Variants in BTBD9 observed in about 807,000 individuals in gnomAD.
BTBD9 encodes BTB/POZ domain-containing protein 9.
In BTBD9, 49 loss-of-function variants were observed where a neutral mutation model predicts 64.3. That is an observed-to-expected ratio of 0.76 (90% confidence interval 0.61 to 0.97). The LOEUF (loss-of-function observed/expected upper bound fraction) is 0.97. Ranked by LOEUF, BTBD9 falls within the 50% of genes least tolerant of loss-of-function variation. The pLI is 0.00. For missense variants in BTBD9, 598 were observed against 762.1 expected, an observed-to-expected ratio of 0.78 and a Z score of 2.53; for synonymous variants, 260 against 274.7, an observed-to-expected ratio of 0.95 and a Z score of 0.53.
At chr6:38,210,542 G>GTGTGTGTT (rs1456927160) in intron 9 of BTBD9, among the ~76,000 whole-genome samples, 23 of 34,556 alleles carry the variant, frequency 6.7e-4, no homozygotes, top group African/African-American at 1.3e-3. Context: ...GTGTTTGTGT[G>GTGTGTGTT]TGTGTGTGTG....
At chr6:38,318,425 A>C (rs865809466) in intron 7 of BTBD9, among the ~76,000 whole-genome samples, 1 of 152,132 alleles carries the variant, frequency 6.6e-6, no homozygotes, top group Admixed American at 6.5e-5. Context: ...CAGGAATTCT[A>C]AGGGACTTGG....
chr6:38,506,773 T>C (rs573649691), intron 6 of BTBD9, among the ~76,000 whole-genome samples: 27 of 152,374 alleles, frequency 1.8e-4, no homozygotes, highest in African/African-American at 6.3e-4. Flanking sequence ...ATTGTGACTT[T>C]TTTTAGAATG....
intron 6 of BTBD9, among the ~76,000 whole-genome samples, chr6:38,477,663 T>C (rs550984111): frequency 6.6e-6 from 1 of 152,378 alleles, no homozygotes; most frequent in East Asian, 1.9e-4. Flanking sequence ...CCTAGTGTTA[T>C]CATAACTTAA....
chr6:38,403,752 A>G (rs541241742), intron 6 of BTBD9, among the ~76,000 whole-genome samples: 1 of 152,362 alleles, frequency 6.6e-6, no homozygotes, highest in South Asian at 2.1e-4. Flanking sequence ...ATCTGAAAAC[A>G]TATGTCCATA....
intron 9 of BTBD9, among the ~76,000 whole-genome samples, chr6:38,198,460 A>G (rs1009765092): frequency 2.3e-4 from 35 of 152,322 alleles, no homozygotes; most frequent in African/African-American, 8.4e-4. Context: ...CCCATAAGTG[A>G]CGAGAGAAAG....
At chr6:38,264,237 T>C (rs1234943336) in intron 8 of BTBD9, among the ~76,000 whole-genome samples, 1 of 151,798 alleles carries the variant, frequency 6.6e-6, no homozygotes, top group Non-Finnish European at 1.5e-5. Context: ...GGGCCAACAG[T>C]GACAAGGAGG....
chr6:38,347,096 T>C (rs957164184), intron 6 of BTBD9, among the ~76,000 whole-genome samples: 2 of 152,154 alleles, frequency 1.3e-5, no homozygotes, highest in Non-Finnish European at 2.9e-5. Context: ...TAAAACACTA[T>C]ATGGAATCAG....
At position 38,173,887 on chromosome 6, in the gene BTBD9, C is replaced by T. The variant is rs1287658763; in HGVS notation, c.*1098G>A. 6.6e-6 allele frequency: 1 copy of T among 152,306 alleles called. No homozygotes were observed. Among genetic ancestry groups the T allele is most frequent in the Non-Finnish European group, 1.5e-5 (1 of 68,082 alleles). The allele number at this position is 152,306 out of a possible 1,614,324, so 9.4% of individuals were successfully genotyped here. A position where few individuals can be genotyped will look rare whatever the true frequency, so the allele number is the denominator to read the frequency against. ...TAGGAGACGGAGCCACATCAAGCCA[C>T]CATCGTCAAATGAGGTCCTTTTGAT... On this transcript the variant is annotated 3_prime_UTR_variant, in exon 11 of 11. Coordinates refer to ENST00000481247, the MANE Select transcript of BTBD9 (RefSeq NM_001099272.2).
chr6:38,289,621 T>C (rs777824540), intron 7 of BTBD9, among the ~76,000 whole-genome samples: 8 of 152,216 alleles, frequency 5.3e-5, no homozygotes, highest in Non-Finnish European at 1.0e-4. Context: ...TTTCAGAATA[T>C]ACAGTTGCCC....
At chr6:38,434,602 C>T (rs980670725) in intron 6 of BTBD9, among the ~76,000 whole-genome samples, 1 of 151,924 alleles carries the variant, frequency 6.6e-6, no homozygotes, top group Non-Finnish European at 1.5e-5. Flanking sequence ...CTCCTGAGGG[C>T]TGTGTCACGG....
chr6:38,295,064 T>C (rs1446199268), intron 7 of BTBD9, among the ~76,000 whole-genome samples: 3 of 152,230 alleles, frequency 2.0e-5, no homozygotes, highest in Non-Finnish European at 2.9e-5. Context: ...ATCTTTCTAA[T>C]TGATTTTCAG....
chr6:38,307,242 T>C lies in BTBD9; in HGVS notation c.1265-18781A>G, dbSNP rs574113194. 1.8e-4 allele frequency among the ~76,000 whole-genome samples: 28 copies of C among 152,354 alleles called. No individual in the cohort carries two copies. The East Asian group carries it at 5.2e-3, about 28-fold the overall frequency. ...TCCACAGCTGTTCTGTCTTAACAGC[T>C]GTAAAAGAACAATAGCTAATTAGAG... On this transcript the variant is annotated intron_variant, in intron 7 of 10. Coordinates refer to ENST00000481247, the MANE Select transcript of BTBD9 (RefSeq NM_001099272.2).
chr6:38,523,917 T>C (rs761430916), intron 6 of BTBD9, among the ~76,000 whole-genome samples: 3 of 152,202 alleles, frequency 2.0e-5, no homozygotes, highest in Non-Finnish European at 2.9e-5. Flanking sequence ...AAGTCTGTGC[T>C]CTTAAACCAC....
At chr6:38,442,661 CTTTTTTT>C (rs11313452) in intron 6 of BTBD9, among the ~76,000 whole-genome samples, 4 of 57,538 alleles carry the variant, frequency 7.0e-5, no homozygotes, top group Non-Finnish European at 9.1e-5. Flanking sequence ...CATTTGTACT[CTTTTTTT>C]TTTTTTTTTT....
At chr6:38,235,959 T>A (rs1018434349) in intron 9 of BTBD9, among the ~76,000 whole-genome samples, 2 of 152,120 alleles carry the variant, frequency 1.3e-5, no homozygotes, top group African/African-American at 2.4e-5. Flanking sequence ...GAAAGACCCC[T>A]GGCCCGAGGT....
Position 38,458,273 on chromosome 6 carries a change from A to G in BTBD9, c.1155-113180T>C, listed in dbSNP as rs1337874071. 4.7e-4 allele frequency among the ~76,000 whole-genome samples: 72 copies of G among 152,198 alleles called. 1 individual carries two copies. Among genetic ancestry groups the G allele is most frequent in the Non-Finnish European group, 5.9e-5 (4 of 68,032 alleles). ...TCCTACCTGCAAAATGAGTTCTTTC[A>G]TTAGAGTTTACAAGCTAATATGTCA... On this transcript the variant is annotated intron_variant, in intron 6 of 10. Coordinates refer to ENST00000481247, the MANE Select transcript of BTBD9 (RefSeq NM_001099272.2).
intron 7 of BTBD9, among the ~76,000 whole-genome samples, chr6:38,307,532 T>A (rs1192663562): frequency 6.6e-6 from 1 of 152,248 alleles, no homozygotes; most frequent in African/African-American, 2.4e-5. Flanking sequence ...TGACCACCTC[T>A]CCATACCTGT....
At chr6:38,579,453 G>A (rs1776194380) in intron 5 of BTBD9, among the ~76,000 whole-genome samples, 1 of 152,164 alleles carries the variant, frequency 6.6e-6, no homozygotes, top group African/African-American at 2.4e-5. Flanking sequence ...ATACTGCTCT[G>A]GTACTTCTGC....
intron 4 of BTBD9, among the ~76,000 whole-genome samples, chr6:38,580,947 C>T (rs957850204): frequency 6.6e-6 from 1 of 152,146 alleles, no homozygotes; most frequent in Non-Finnish European, 1.5e-5. Flanking sequence ...AATCCCAGCA[C>T]TTTGGGAGGC....
Sources: gnomAD v4.1 joint callset for allele counts (sites outside exome capture counted in the v4.1 genomes callset) on GRCh38, gnomAD v4.1.1 for gene constraint, MANE v1.5 for transcripts, NCBI Gene and HGNC (gene_info 2026-07-23, HGNC 2026-07-21) for gene names.